Variants in ADAM15 observed in about 807,000 individuals in gnomAD.
The protein encoded by ADAM15 is ADAM metallopeptidase domain 15.
In ADAM15, 77 loss-of-function variants were observed where a neutral mutation model predicts 113.8. The ratio of observed to expected loss-of-function variants is 0.68; its 90% CI spans 0.56 to 0.82. The LOEUF (loss-of-function observed/expected upper bound fraction) is 0.82, where lower values mean the gene tolerates loss of function less well. Among genes scored for constraint, ADAM15 ranks in the 40% least tolerant of loss-of-function variants. The pLI, the probability that ADAM15 is intolerant of heterozygous loss-of-function variation, is 0.00. For synonymous variants in ADAM15, 388 were observed against 454.1 expected (o/e 0.85, Z 1.85); for missense variants, 963 against 1,120.1 (o/e 0.86, Z 2.00).
rs201800248 is a variant in ADAM15 at position 155,058,057 on chromosome 1, C to T, written c.1623C>T (p.Pro541=). ...CQSLWGPGAQ[P]AAPLCLQTAN... ...CACTTTGGGGACCTGGAGCCCAGCCCGCTGCGCCACTTTGCCTCCAGACAG... is the reference window on the plus strand; with the variant it reads ...CACTTTGGGGACCTGGAGCCCAGCCTGCTGCGCCACTTTGCCTCCAGACAG... Residue 541 remains proline, a synonymous_variant, in exon 14 of 23, where the codon CCC becomes CCT. Transcript: ENST00000356955. This position sits in a 1 kb window ranked among gnomAD's most constrained non-coding sequence, Gnocchi z 4.3. 3.7e-5 allele frequency: 60 copies of T among 1,614,142 alleles called. 1 individual carries two copies. In the East Asian group the frequency reaches 6.7e-4, roughly 18 times the overall value.
Position 155,057,039 on chromosome 1 carries a change from G to A in ADAM15, c.1086G>A (p.Gly362=), listed in dbSNP as rs780123640. 2.1e-5 allele frequency: 33 copies of A among 1,607,168 alleles called. No homozygotes were observed. In the East Asian group the frequency reaches 3.6e-4, roughly 17 times the overall value. ...TGGGCCTGGACCATGATTTGCCTGG[G>A]AATAGCTGCCCCTGTCCAGGTCCAG... ...HSLGLDHDLP[G]NSCPCPGPAP... The change falls in exon 11 of 23, where the codon GGG becomes GGA. Residue 362 remains glycine (G), a synonymous_variant. Coordinates refer to ENST00000356955, the MANE Select transcript of ADAM15 (RefSeq NM_207197.3). This position sits in a 1 kb window ranked among gnomAD's most constrained non-coding sequence, Gnocchi z 5.0.
chr1:155,054,273 G>A, intron 5 of ADAM15, 41 bp from the exon 6 acceptor site: 1 of 1,585,448 alleles, frequency 6.3e-7, no homozygotes, highest in African/African-American at 1.4e-5. Flanking sequence ...AGGAGACCCA[G>A]GCATGGAGCT....
chr1:155,061,744 G>GAC, intron 20 of ADAM15, 160 bp from the exon 21 acceptor site: 1 of 893,722 alleles, frequency 1.1e-6, no homozygotes, highest in South Asian at 1.7e-5. Context: ...CCTCCCCTGA[G>GAC]ACATCAGCTG....
At position 155,062,490 on chromosome 1, in the gene ADAM15, G is replaced by GCTCTACCTCT; in HGVS notation, c.2581_2590dup (p.Ter864SerfsTer17). On this transcript the variant is annotated frameshift_variant, in exon 23 of 23. Transcript: ENST00000356955. LOFTEE classifies it high-confidence loss of function. The surrounding 1 kb of genome is among the most constrained non-coding windows in gnomAD (Gnocchi z 7.0). ...CGCCACCGCCTCCGACAGTGTCCTC[G>GCTCTACCTCT]CTCTACCTCTGACCTCTCCGGAGGT... 1.2e-6 allele frequency: 2 copies of GCTCTACCTCT among 1,613,396 alleles called. No homozygotes were observed. The highest frequency in any genetic ancestry group is 1.7e-6 in the Non-Finnish European group (2 of 1,179,946).
At position 155,056,877 on chromosome 1, in the gene ADAM15, G is replaced by A; in HGVS notation, c.1000-76G>A. 2 of 1,509,508 alleles carry A rather than the reference G, an allele frequency of 1.3e-6. No individual in the cohort carries two copies. The highest frequency in any genetic ancestry group is 1.8e-6 in the Non-Finnish European group (2 of 1,127,786). 93.5% of individuals were successfully genotyped at this position (1,509,508 alleles called of 1,614,324 possible). A position where few individuals can be genotyped will look rare whatever the true frequency, so the allele number is the denominator to read the frequency against. On this transcript the variant is annotated intron_variant, in intron 10 of 22. Transcript: ENST00000356955. This position sits in a 1 kb window ranked among gnomAD's most constrained non-coding sequence, Gnocchi z 4.0. ...ACGAGGTCAGACGTGGAGGGAACAG[G>A]AGCAGAGAGGGTGGTCTGGGCATTG...
In ADAM15 at chr1:155,054,366, G is replaced by C; in HGVS notation, c.472G>C (p.Gly158Arg). 1 of 1,613,356 alleles carries C rather than the reference G, an allele frequency of 6.2e-7. No individual in the cohort carries two copies. Among genetic ancestry groups the C allele is most frequent in the Non-Finnish European group, 8.5e-7 (1 of 1,179,676 alleles). ...ERSYTLEQGP[G>R]DLQGPPIISR... ...AAGCTATACCCTGGAGCAGGGGCCT[G>C]GGGACCTTCAGGGTCCTCCCATTAT... The change falls in exon 6 of 23, where the codon GGG (glycine) becomes CGG (arginine). Residue 158 changes from glycine to arginine, a missense_variant. Gly to Arg is a moderately radical substitution (Grantham distance 125). Transcript: ENST00000356955.
rs201393887 is a variant in ADAM15, at chr1:155,055,861, G to A, written c.675+9G>A. ...TGGCTGATCACTCGGAGGTGAGCCT[G>A]CTGGCCCCTGCACATCCTCCTCCCC... On this transcript the variant is annotated intron_variant, in intron 7 of 22. Coordinates refer to ENST00000356955, the MANE Select transcript of ADAM15 (RefSeq NM_207197.3). 30 of 1,614,220 alleles carry A rather than the reference G, an allele frequency of 1.9e-5. No individual in the cohort carries two copies. The East Asian group carries it at 5.1e-4, about 28-fold the overall frequency.
chr1:155,057,151 G>C lies in ADAM15; in HGVS notation c.1149-37G>C. The C allele has an allele frequency of 6.3e-7, 1 of 1,594,890 alleles. No homozygotes were observed. Among genetic ancestry groups the C allele is most frequent in the Non-Finnish European group, 8.6e-7 (1 of 1,167,970 alleles). On this transcript the variant is annotated intron_variant, in intron 11 of 22. Coordinates refer to ENST00000356955, the MANE Select transcript of ADAM15 (RefSeq NM_207197.3). The surrounding 1 kb of genome is among the most constrained non-coding windows in gnomAD (Gnocchi z 5.0). ...GGGTGTGGGGCAGGGGGCAGGGAGA[G>C]GCCCCCAGCCCCAACCTTCCTTGCC...
chr1:155,060,192 C>T lies in ADAM15; in HGVS notation c.2069-13C>T, dbSNP rs755273811. ...TAGCCCCGTCCTCCCTTAAACCTGACTTCCGCCCACAGCAACCAGCTCCCT... is the reference window on the plus strand; with the variant it reads ...TAGCCCCGTCCTCCCTTAAACCTGATTTCCGCCCACAGCAACCAGCTCCCT... On this transcript the variant is annotated splice_polypyrimidine_tract_variant and intron_variant, in intron 17 of 22. Transcript: ENST00000356955. 2 of 1,613,544 alleles carry T rather than the reference C, an allele frequency of 1.2e-6. No individual in the cohort carries two copies. The highest frequency in any genetic ancestry group is 1.7e-6 in the Non-Finnish European group (2 of 1,179,586).
chr1:155,057,835 C>T lies in ADAM15; in HGVS notation c.1417-16C>T. The T allele has an allele frequency of 1.2e-6, 2 of 1,612,622 alleles. No homozygotes were observed. Among genetic ancestry groups the T allele is most frequent in the Non-Finnish European group, 1.7e-6 (2 of 1,178,924 alleles). On this transcript the variant is annotated splice_polypyrimidine_tract_variant and intron_variant, in intron 13 of 22. Transcript: ENST00000356955. The surrounding 1 kb of genome is among the most constrained non-coding windows in gnomAD (Gnocchi z 5.0). ...TTTGCTCAGTGCCCACACTGATGCT[C>T]ATCCACCCTCCACAGCTGCGCCCGT...
At position 155,056,899 on chromosome 1, in the gene ADAM15, A is replaced by G. The variant is rs940287672; in HGVS notation, c.1000-54A>G. 1.2e-5 allele frequency: 18 copies of G among 1,518,694 alleles called. No homozygotes were observed. Among genetic ancestry groups the G allele is most frequent in the Non-Finnish European group, 1.5e-5 (17 of 1,132,580 alleles). The allele number at this position is 1,518,694 out of a possible 1,614,324, so 94.1% of individuals were successfully genotyped here. ...CAGGAGCAGAGAGGGTGGTCTGGGC[A>G]TTGTGGTGGAGGCAGGCTGGGACTG... is the stretch of plus-strand genomic sequence containing the variant. On this transcript the variant is annotated intron_variant, in intron 10 of 22. Coordinates refer to ENST00000356955, the MANE Select transcript of ADAM15 (RefSeq NM_207197.3). The surrounding 1 kb of genome is among the most constrained non-coding windows in gnomAD (Gnocchi z 4.0).
rs1217105517 is a variant in ADAM15 at position 155,058,477 on chromosome 1, A to G, written c.1917+36A>G. The G allele has an allele frequency of 6.9e-6, 11 of 1,603,718 alleles. No individual in the cohort carries two copies. Among genetic ancestry groups the G allele is most frequent in the African/African-American group, 6.7e-5 (5 of 74,882 alleles). On this transcript the variant is annotated intron_variant, in intron 15 of 22. Coordinates refer to ENST00000356955, the MANE Select transcript of ADAM15 (RefSeq NM_207197.3). This position sits in a 1 kb window ranked among gnomAD's most constrained non-coding sequence, Gnocchi z 4.3. ...TGGGTGGGCAAGACCAGGTGTGAGAAGGGACATTTGGACCACAATGAACAG... is the reference window on the plus strand; with the variant it reads ...TGGGTGGGCAAGACCAGGTGTGAGAGGGGACATTTGGACCACAATGAACAG...
In ADAM15 at chr1:155,062,425, C is replaced by T. The variant is rs778501648; in HGVS notation, c.2550-35C>T. ...GGCGAGTGACCTGGGGGAAAGGGGCCTCTGACTCTTTTTTCTTGGCTTCCC... is the reference window on the plus strand; with the variant it reads ...GGCGAGTGACCTGGGGGAAAGGGGCTTCTGACTCTTTTTTCTTGGCTTCCC... On this transcript the variant is annotated intron_variant, in intron 22 of 22. Transcript: ENST00000356955. The surrounding 1 kb of genome is among the most constrained non-coding windows in gnomAD (Gnocchi z 7.0). The T allele has an allele frequency of 8.7e-6, 14 of 1,612,806 alleles. No homozygotes were observed. In the Admixed American group the frequency reaches 2.3e-4, roughly 27 times the overall value.
chr1:155,058,063 G>A lies in ADAM15; in HGVS notation c.1629G>A (p.Ala543=), dbSNP rs200330664. 5.0e-6 allele frequency: 8 copies of A among 1,614,026 alleles called. No individual in the cohort carries two copies. The highest frequency in any genetic ancestry group is 1.7e-5 in the Admixed American group (1 of 60,010). ...GGGGACCTGGAGCCCAGCCCGCTGC[G>A]CCACTTTGCCTCCAGACAGCTAATA... The part of the protein sequence containing the change: ...SLWGPGAQPA[A]PLCLQTANTR... The change falls in exon 14 of 23, where the codon GCG becomes GCA. Residue 543 remains alanine, a synonymous_variant. Coordinates refer to ENST00000356955, the MANE Select transcript of ADAM15 (RefSeq NM_207197.3). This position sits in a 1 kb window ranked among gnomAD's most constrained non-coding sequence, Gnocchi z 4.3.
rs12023499 is a variant in ADAM15, at chr1:155,058,900, C to T, written c.1995+113C>T. On this transcript the variant is annotated intron_variant, in intron 16 of 22. Coordinates refer to ENST00000356955, the MANE Select transcript of ADAM15 (RefSeq NM_207197.3). The surrounding 1 kb of genome is among the most constrained non-coding windows in gnomAD (Gnocchi z 4.3). Reference sequence around the variant, plus strand: ...TTTTAATCCTTGCTCTACTACTTCCCAGTTGTGTGACCTCGGGCAGGTTAC... The same window carrying T: ...TTTTAATCCTTGCTCTACTACTTCCTAGTTGTGTGACCTCGGGCAGGTTAC... 333,457 of 1,364,664 alleles carry T rather than the reference C, an allele frequency of 0.24. 52,752 individuals are homozygous for T. Among genetic ancestry groups the T allele is most frequent in the East Asian group, 0.87 (34,434 of 39,710 alleles). 84.5% of individuals were successfully genotyped at this position (1,364,664 alleles called of 1,614,324 possible).
In ADAM15 at chr1:155,058,280, G is replaced by A. The variant is rs374419668; in HGVS notation, c.1756G>A (p.Gly586Ser). Residue 586 changes from glycine to serine, a missense_variant, in exon 15 of 23, where the codon GGT becomes AGT. By Grantham distance (56) the Gly-to-Ser change is moderately conservative. Coordinates refer to ENST00000356955, the MANE Select transcript of ADAM15 (RefSeq NM_207197.3). This position sits in a 1 kb window ranked among gnomAD's most constrained non-coding sequence, Gnocchi z 4.3. ...TTGTGGGCAGCTCCAGTGCCAGACA[G>A]GTAGGACCCAGCCTCTGCTGGGCTC... ...AICGQLQCQTGRTQPLLGSIR... is the reference protein window; with the variant it reads ...AICGQLQCQTSRTQPLLGSIR... The A allele has an allele frequency of 5.0e-6, 8 of 1,614,088 alleles. No individual in the cohort carries two copies. Among genetic ancestry groups the A allele is most frequent in the Non-Finnish European group, 6.8e-6 (8 of 1,180,022 alleles).
intron 5 of ADAM15, 35 bp downstream of exon 5, chr1:155,054,261 T>C (rs1661472243): frequency 6.3e-7 from 1 of 1,585,022 alleles, no homozygotes; most frequent in East Asian, 2.2e-5. Context: ...GTAGAGAAAG[T>C]AAGGAGACCC....
intron 1 of ADAM15, chr1:155,052,411 G>A (rs1661169269): frequency 2.3e-6 from 3 of 1,292,084 alleles, no homozygotes; most frequent in Non-Finnish European, 3.2e-6. Flanking sequence ...GCCGGAAGGG[G>A]ACAAGGAGGG....
In ADAM15 at chr1:155,054,106, G is replaced by A. The variant is rs769457464; in HGVS notation, c.343-44G>A. On this transcript the variant is annotated intron_variant, in intron 4 of 22. Transcript: ENST00000356955. ...AGCTAGGCTCCTCAGTTCCAGTCCT[G>A]GTGTGCTCTCTGAGACAGCACTAAT... is the stretch of plus-strand genomic sequence containing the variant. 8 of 1,612,350 alleles carry A rather than the reference G, an allele frequency of 5.0e-6. No homozygotes were observed. The East Asian group carries it at 1.8e-4, about 36-fold the overall frequency.
Sources: allele counts gnomAD v4.1 joint callset, GRCh38; gene constraint gnomAD v4.1.1; non-coding constraint Gnocchi (gnomAD v3.1); transcripts MANE v1.5; gene names NCBI Gene and HGNC (gene_info 2026-07-23, HGNC 2026-07-21).